PLEKHG1: variants seen among roughly 807,000 people sequenced by gnomAD.
The protein encoded by PLEKHG1 is pleckstrin homology and RhoGEF domain containing G1.
A neutral mutation model predicts 100.8 loss-of-function variants in PLEKHG1; 44 were observed. The ratio of observed to expected loss-of-function variants is 0.44; its 90% CI spans 0.34 to 0.56. The LOEUF is 0.56. Among genes scored for constraint, PLEKHG1 ranks in the 20% least tolerant of loss-of-function variants. The probability of loss-of-function intolerance (pLI) is 0.01; values close to 1 mark genes in which losing one functional copy is unlikely to be tolerated. For synonymous variants in PLEKHG1, 640 were observed against 662.5 expected (o/e 0.97, Z 0.52); for missense variants, 1,545 against 1,720.9 (o/e 0.90, Z 1.81).
In PLEKHG1 at chr6:150,831,885, A is replaced by G. The variant is rs1244304314; in HGVS notation, c.2774A>G (p.Glu925Gly). The change falls in exon 15 of 16, where the codon GAA (glutamate) becomes GGA (glycine). Residue 925 changes from glutamate to glycine, a missense_variant. Transcript: ENST00000358517. The surrounding 1 kb of genome is among the most constrained non-coding windows in gnomAD (Gnocchi z 4.1). The stretch of plus-strand genomic sequence containing the variant: ...TTTGAGGAAGACCTGATTTCTAAAG[A>G]AGGCTCCTTTATGAGCCTTAACCGG... 6.2e-7 allele frequency: 1 copy of G among 1,613,916 alleles called. No homozygotes were observed. The highest frequency in any genetic ancestry group is 1.3e-5 in the African/African-American group (1 of 74,910).
intron 3 of PLEKHG1, among the ~76,000 whole-genome samples, chr6:150,671,403 T>G (rs557307116): frequency 6.6e-6 from 1 of 152,358 alleles, no homozygotes; most frequent in Admixed American, 6.5e-5. Flanking sequence ...ATATGTTGCT[T>G]CTTTTTCCTC....
intron 3 of PLEKHG1, among the ~76,000 whole-genome samples, chr6:150,677,312 G>A (rs530797398): frequency 1.9e-3 from 243 of 128,012 alleles, no homozygotes; most frequent in African/African-American, 6.8e-3. Context: ...ACGCGCGCGC[G>A]CACACACACC....
At chr6:150,701,469 T>TATATAAAAAAA in intron 3 of PLEKHG1, among the ~76,000 whole-genome samples, 1 of 55,198 alleles carries the variant, frequency 1.8e-5, no homozygotes, top group African/African-American at 6.1e-5. Context: ...ATATATATAA[T>TATATAAAAAAA]TATACTTTAA....
chr6:150,624,390 G>T (rs998331641), intron 1 of PLEKHG1, among the ~76,000 whole-genome samples: 1 of 151,964 alleles, frequency 6.6e-6, no homozygotes, highest in East Asian at 1.9e-4. Context: ...CTCAACACTC[G>T]AGCCCCATGA....
intron 3 of PLEKHG1, among the ~76,000 whole-genome samples, chr6:150,778,477 A>G (rs1275126363): frequency 6.6e-6 from 1 of 151,964 alleles, no homozygotes; most frequent in Non-Finnish European, 1.5e-5. Context: ...CCTGCACTCA[A>G]ATATCACCTC....
In PLEKHG1 at chr6:150,657,624, G is replaced by A. The variant is rs113415148; in HGVS notation, c.-99+6838G>A. 1.7e-3 allele frequency among the ~76,000 whole-genome samples: 259 copies of A among 152,264 alleles called. 1 individual carries two copies. Among genetic ancestry groups the A allele is most frequent in the African/African-American group, 6.0e-3 (248 of 41,546 alleles). On this transcript the variant is annotated intron_variant, in intron 3 of 3. Transcript: ENST00000367326. Reference sequence around the variant, plus strand: ...TCAGTTTTCCCTTAATATGTTTCAAGGCTATGTTTCAGATGCATAATGGTT... The same window carrying A: ...TCAGTTTTCCCTTAATATGTTTCAAAGCTATGTTTCAGATGCATAATGGTT...
chr6:150,837,642 T>G lies in PLEKHG1; in HGVS notation c.3095-2191T>G, dbSNP rs370472076. 4.5e-4 allele frequency among the ~76,000 whole-genome samples: 69 copies of G among 152,356 alleles called. 3 individuals are homozygous for G. The South Asian group carries it at 0.011, about 24-fold the overall frequency. On this transcript the variant is annotated intron_variant, in intron 15 of 15. Coordinates refer to ENST00000358517, the Ensembl canonical transcript of PLEKHG1. ...TGGGATCAGGCTCAGGGCTATACTG[T>G]ATGTGAGAATGGCTTGAGCAGACCA...
At position 150,831,995 on chromosome 6, in the gene PLEKHG1, C is replaced by G. The variant is rs773125861; in HGVS notation, c.2884C>G (p.Pro962Ala). ...CCTGTCTCAAACAGACCCAGAAAACCCTGACCTGGGGATGGAGGCCACAGA... is the reference window on the plus strand; with the variant it reads ...CCTGTCTCAAACAGACCCAGAAAACGCTGACCTGGGGATGGAGGCCACAGA... The change falls in exon 15 of 16, where the codon CCT (proline) becomes GCT (alanine). Residue 962 changes from proline (P) to alanine (A), a missense_variant. Transcript: ENST00000358517. The surrounding 1 kb of genome is among the most constrained non-coding windows in gnomAD (Gnocchi z 4.1). 3 of 1,613,652 alleles carry G rather than the reference C, an allele frequency of 1.9e-6. No individual in the cohort carries two copies. In the Admixed American group the frequency reaches 5.0e-5, roughly 27 times the overall value.
intron 6 of PLEKHG1, among the ~76,000 whole-genome samples, chr6:150,804,179 T>TATAAA (rs1786896701): frequency 2.8e-5 from 1 of 36,054 alleles, no homozygotes; most frequent in Non-Finnish European, 4.9e-5. Flanking sequence ...ATATATATTT[T>TATAAA]TTTTTTTTTT....
At chr6:150,685,294 G>A (rs544049469) in intron 3 of PLEKHG1, among the ~76,000 whole-genome samples, 1 of 152,242 alleles carries the variant, frequency 6.6e-6, no homozygotes, top group South Asian at 2.1e-4. Context: ...GGTGTGACAG[G>A]AACAGAGATT....
intron 3 of PLEKHG1, among the ~76,000 whole-genome samples, chr6:150,769,956 T>A (rs1399923835): frequency 1.3e-5 from 2 of 152,138 alleles, no homozygotes; most frequent in African/African-American, 4.8e-5. Context: ...AGGAGTCTGT[T>A]TTGTTATTGT....
chr6:150,658,856 G>C (rs1779071804), intron 3 of PLEKHG1, among the ~76,000 whole-genome samples: 1 of 152,124 alleles, frequency 6.6e-6, no homozygotes, highest in Admixed American at 6.5e-5. Flanking sequence ...CCTTCAGAAA[G>C]CAAAAAACTA....
chr6:150,772,273 A>T (rs1197029662), intron 3 of PLEKHG1, among the ~76,000 whole-genome samples: 1 of 152,216 alleles, frequency 6.6e-6, no homozygotes, highest in Non-Finnish European at 1.5e-5. Context: ...TTAGTACACA[A>T]CTGTGCTGGA....
chr6:150,813,914 G>T (rs1399047905), intron 10 of PLEKHG1, among the ~76,000 whole-genome samples: 4 of 152,122 alleles, frequency 2.6e-5, no homozygotes, highest in Non-Finnish European at 4.4e-5. Flanking sequence ...AGCAGACAAT[G>T]GGATGATGAT....
chr6:150,717,183 C>T (rs1300019334), upstream of PLEKHG1, among the ~76,000 whole-genome samples: 1 of 152,118 alleles, frequency 6.6e-6, no homozygotes, highest in Non-Finnish European at 1.5e-5. Flanking sequence ...AGACATGTGC[C>T]ACCACGCCTG....
intron 2 of PLEKHG1, among the ~76,000 whole-genome samples, chr6:150,644,332 G>GGTTTTTTTTTTTTTTTTTTTT (rs1562404967): frequency 1.0e-4 from 10 of 96,562 alleles, no homozygotes; most frequent in African/African-American, 3.9e-4. Context: ...TTTTCTTTTC[G>GGTTTTTTTTTTTTTTTTTTTT]TGTTTTTTTT....
At chr6:150,761,005 T>C (rs2128634621) in intron 2 of PLEKHG1, among the ~76,000 whole-genome samples, 1 of 152,284 alleles carries the variant, frequency 6.6e-6, no homozygotes, top group African/African-American at 2.4e-5. Context: ...ATTATAACTT[T>C]TTTAGGTTTC....
At position 150,831,357 on chromosome 6, in the gene PLEKHG1, A is replaced by G; in HGVS notation, c.2246A>G (p.Asp749Gly). 6.2e-7 allele frequency: 1 copy of G among 1,614,070 alleles called. No individual in the cohort carries two copies. The highest frequency in any genetic ancestry group is 8.5e-7 in the Non-Finnish European group (1 of 1,180,002). Residue 749 changes from aspartate (D) to glycine (G), a missense_variant, in exon 15 of 16, where the codon GAT becomes GGT. Transcript: ENST00000358517. This position sits in a 1 kb window ranked among gnomAD's most constrained non-coding sequence, Gnocchi z 4.1. ...ATCTATGACACCATAGGGCTCCCAGATCCTCCGTCGCTGGGTTTTAAGTGC... is the reference window on the plus strand; with the variant it reads ...ATCTATGACACCATAGGGCTCCCAGGTCCTCCGTCGCTGGGTTTTAAGTGC...
chr6:150,678,882 G>A lies in PLEKHG1; in HGVS notation c.-99+28096G>A, dbSNP rs548015765. 2.3e-4 allele frequency among the ~76,000 whole-genome samples: 35 copies of A among 152,104 alleles called. 1 individual carries two copies. The highest frequency in any genetic ancestry group is 3.4e-3 in the Middle Eastern group (1 of 294). ...TTTTTAAATATGATTAGAAAACCTG[G>A]GTTTTATCATATTAGGTTATCACTG... On this transcript the variant is annotated intron_variant, in intron 3 of 3. Transcript: ENST00000367326.
Sources: gnomAD v4.1 joint callset for allele counts (sites outside exome capture counted in the v4.1 genomes callset) on GRCh38, gnomAD v4.1.1 for gene constraint, Gnocchi (gnomAD v3.1) non-coding constraint, MANE v1.5 for transcripts, NCBI Gene and HGNC (gene_info 2026-07-23, HGNC 2026-07-21) for gene names.